SLC22A15: variants seen among roughly 807,000 people sequenced by gnomAD.
SLC22A15 encodes the protein solute carrier family 22 member 15, also known as flipt 1.
SLC22A15 carries 45 observed loss-of-function variants against 62.7 expected under a neutral mutation model. The observed-to-expected ratio is 0.72, with a 90% CI of 0.56 to 0.92. The LOEUF is 0.92. SLC22A15 is among the 40% of genes least tolerant of loss of function. SLC22A15 has a pLI of 0.00. For synonymous variants in SLC22A15, 264 were observed against 267.0 expected (o/e 0.99, Z 0.11); for missense variants, 622 against 665.6 (o/e 0.93, Z 0.72).
intron 6 of SLC22A15, among the ~76,000 whole-genome samples, chr1:116,033,229 C>T (rs112508227): frequency 6.6e-5 from 10 of 152,246 alleles, no homozygotes; most frequent in African/African-American, 2.2e-4. Flanking sequence ...AGTTATTTTC[C>T]ACAATAGTGC....
rs1422872162 is a variant in SLC22A15, at chr1:116,052,144, T to C, written c.1172-10618T>C. On this transcript the variant is annotated intron_variant, in intron 8 of 11. Coordinates refer to ENST00000369503, the MANE Select transcript of SLC22A15 (RefSeq NM_018420.3). ...GTGCAAGGGGTCAGGGAGTTCCCTT[T>C]CCTGGTCAAGGAAAGGGGTGACAGA... 5.9e-5 allele frequency among the ~76,000 whole-genome samples: 9 copies of C among 152,220 alleles called. No homozygotes were observed. The East Asian group carries it at 1.7e-3, about 29-fold the overall frequency.
intron 8 of SLC22A15, among the ~76,000 whole-genome samples, chr1:116,038,795 C>T (rs1034039677): frequency 1.3e-5 from 2 of 151,950 alleles, no homozygotes; most frequent in African/African-American, 2.4e-5. Context: ...TTTTTTTAAG[C>T]TGCAATAATA....
Position 115,992,260 on chromosome 1 carries a change from T to A in SLC22A15, c.300+17T>A. 6.5e-7 allele frequency: 1 copy of A among 1,547,780 alleles called. No homozygotes were observed. The highest frequency in any genetic ancestry group is 8.8e-7 in the Non-Finnish European group (1 of 1,140,622). ...GCCTCGGAGGTAACAACAGGCTGTT[T>A]CAATCACTAAATAAATGTCTCTCTT... On this transcript the variant is annotated intron_variant, in intron 2 of 11. Transcript: ENST00000369503.
intron 4 of SLC22A15, among the ~76,000 whole-genome samples, chr1:116,021,976 G>C (rs989848431): frequency 2.0e-5 from 3 of 152,152 alleles, no homozygotes; most frequent in African/African-American, 7.2e-5. Flanking sequence ...TTTCTAACTG[G>C]TGTTGTTTTT....
chr1:115,991,114 G>C (rs377264682), intron 1 of SLC22A15, among the ~76,000 whole-genome samples: 1 of 152,188 alleles, frequency 6.6e-6, no homozygotes, highest in Admixed American at 6.5e-5. Flanking sequence ...TTACTCTGGA[G>C]CAGACTAATT....
chr1:116,005,193 G>A (rs1314610384), intron 2 of SLC22A15, among the ~76,000 whole-genome samples: 2 of 152,034 alleles, frequency 1.3e-5, no homozygotes, highest in Non-Finnish European at 2.9e-5. Flanking sequence ...GTTCTTTAGT[G>A]GAAGGAATAA....
At chr1:115,991,902 C>T (rs1655156246) in intron 1 of SLC22A15, 129 bp from the exon 2 acceptor site, 1 of 726,640 alleles carries the variant, frequency 1.4e-6, no homozygotes, top group Non-Finnish European at 2.3e-6. Context: ...TCTGATGTGG[C>T]TTATATCTGT....
intron 4 of SLC22A15, among the ~76,000 whole-genome samples, chr1:116,023,936 C>A (rs1313044536): frequency 9.2e-5 from 14 of 152,256 alleles, no homozygotes; most frequent in African/African-American, 3.1e-4. Context: ...GTTCTCATGA[C>A]TACAGGGTAG....
intron 4 of SLC22A15, 21 bp downstream of exon 4, chr1:116,020,906 C>T (rs1282415422): frequency 5.0e-6 from 8 of 1,591,002 alleles, no homozygotes; most frequent in East Asian, 2.2e-5. Flanking sequence ...AATCATGCAG[C>T]TCTGGACTGG....
chr1:116,009,413 G>C (rs1656140977), intron 2 of SLC22A15, among the ~76,000 whole-genome samples: 1 of 151,922 alleles, frequency 6.6e-6, no homozygotes. Flanking sequence ...TAGGTAGCTT[G>C]AAAGTTTCCT....
chr1:116,041,824 G>A (rs1276430011), intron 8 of SLC22A15, among the ~76,000 whole-genome samples: 4 of 152,256 alleles, frequency 2.6e-5, no homozygotes, highest in Middle Eastern at 3.4e-3. Flanking sequence ...ACCAGAAAGT[G>A]GCAGGCAGAA....
intron 5 of SLC22A15, among the ~76,000 whole-genome samples, chr1:116,030,661 GT>G (rs1657347215): frequency 6.6e-6 from 1 of 152,106 alleles, no homozygotes; most frequent in Admixed American, 6.5e-5. Flanking sequence ...CTGTTGTTTT[GT>G]AACTAGAAGT....
Position 116,020,705 on chromosome 1 carries a change from T to A in SLC22A15, c.434-16T>A. ...ATTTTGCCTCTGGATTATTGAATAT[T>A]GTTTTCTCTTTCTAGGTTTTGCTCT... On this transcript the variant is annotated splice_polypyrimidine_tract_variant and intron_variant, in intron 3 of 11. Transcript: ENST00000369503. 6.3e-7 allele frequency: 1 copy of A among 1,597,498 alleles called. No homozygotes were observed.
intron 1 of SLC22A15, among the ~76,000 whole-genome samples, chr1:115,980,153 G>A (rs1266691679): frequency 6.6e-6 from 1 of 152,148 alleles, no homozygotes; most frequent in African/African-American, 2.4e-5. Flanking sequence ...TTTAACTTCA[G>A]TGGTCATCTG....
chr1:116,045,937 A>T (rs546337440), intron 8 of SLC22A15, among the ~76,000 whole-genome samples: 22 of 152,222 alleles, frequency 1.4e-4, no homozygotes, highest in African/African-American at 5.3e-4. Flanking sequence ...CATAATATAC[A>T]TACAGAAAAA....
In SLC22A15 at chr1:116,019,632, T is replaced by C. The variant is rs138604787; in HGVS notation, c.351T>C (p.Phe117=). 2.0e-4 allele frequency: 317 copies of C among 1,613,224 alleles called. 3 individuals carry two copies. In the African/African-American group the frequency reaches 3.6e-3, roughly 18 times the overall value. The part of the protein sequence containing the change: ...RSYKVSAASS[F]FFSGVFVGVI... ...ACAAAGTCAGTGCAGCAAGCTCTTT[T>C]TTCTTCAGTGGTGTATTTGTTGGAG... The change falls in exon 3 of 12, where the codon TTT becomes TTC. Residue 117 remains phenylalanine, a synonymous_variant. Coordinates refer to ENST00000369503, the MANE Select transcript of SLC22A15 (RefSeq NM_018420.3).
chr1:115,987,879 A>G (rs1041692152), intron 1 of SLC22A15, among the ~76,000 whole-genome samples: 1 of 152,146 alleles, frequency 6.6e-6, no homozygotes, highest in African/African-American at 2.4e-5. Context: ...CATTTTTCCT[A>G]CTTAAAAAAA....
At chr1:116,012,141 A>G (rs1173510054) in intron 2 of SLC22A15, among the ~76,000 whole-genome samples, 1 of 152,174 alleles carries the variant, frequency 6.6e-6, no homozygotes, top group Non-Finnish European at 1.5e-5. Flanking sequence ...TTCAACTATT[A>G]TTCCATGAAA....
At chr1:116,030,101 G>T (rs1170240073) in intron 5 of SLC22A15, among the ~76,000 whole-genome samples, 3 of 152,208 alleles carry the variant, frequency 2.0e-5, no homozygotes, top group African/African-American at 7.2e-5. Flanking sequence ...AGAAGTAAAT[G>T]GAAGGATTTT....
Sources: allele counts gnomAD v4.1 joint callset (sites outside exome capture counted in the v4.1 genomes callset), GRCh38; gene constraint gnomAD v4.1.1; transcripts MANE v1.5; gene names NCBI Gene and HGNC (gene_info 2026-07-23, HGNC 2026-07-21).